ANKRD36C: variants seen among roughly 807,000 people sequenced by gnomAD.
ANKRD36C encodes ankyrin repeat domain 36C.
In ANKRD36C, 61 loss-of-function variants were observed where a neutral mutation model predicts 276.4. That is an observed-to-expected ratio of 0.22 (90% CI 0.18 to 0.27). ANKRD36C has a LOEUF of 0.27. Among genes scored for constraint, ANKRD36C ranks in the 10% least tolerant of loss-of-function variants. The probability of loss-of-function intolerance (pLI) is 1.00; values close to 1 mark genes in which losing one functional copy is unlikely to be tolerated. For synonymous variants in ANKRD36C, 483 were observed against 680.1 expected, an observed-to-expected ratio of 0.71 and a Z score of 4.51; for missense variants, 1,447 against 2,032.3, an observed-to-expected ratio of 0.71 and a Z score of 5.54.
chr2:95,887,271 A>G lies in ANKRD36C; in HGVS notation c.3061+654T>C, dbSNP rs1676222912. ...ATACCTAATAGTAACAAAGAAGAGT[A>G]ATTAGTAAATGAAGTTTATCCCAAT... On this transcript the variant is annotated intron_variant, in intron 50 of 66. Coordinates refer to ENST00000456556, the Ensembl canonical transcript of ANKRD36C. Among the ~76,000 whole-genome samples the G allele has an allele frequency of 2.0e-5, 3 of 151,650 alleles. No homozygotes were observed. In the Admixed American group the frequency reaches 2.0e-4, roughly 10 times the overall value.
intron 22 of ANKRD36C, 91 bp downstream of exon 22, chr2:95,938,738 T>C (rs1677787692): frequency 6.7e-7 from 1 of 1,487,630 alleles, no homozygotes; most frequent in South Asian, 1.2e-5. Flanking sequence ...TTCCATCTCA[T>C]TTGGATAAAA....
chr2:95,866,908 AG>A (rs1165424981), intron 60 of ANKRD36C, among the ~76,000 whole-genome samples: 3 of 152,190 alleles, frequency 2.0e-5, no homozygotes, highest in Admixed American at 1.3e-4. Flanking sequence ...TGATTGTAGG[AG>A]CAAACACCTA....
At chr2:95,874,527 T>C (rs1374929357) in intron 59 of ANKRD36C, among the ~76,000 whole-genome samples, 1 of 152,210 alleles carries the variant, frequency 6.6e-6, no homozygotes, top group African/African-American at 2.4e-5. Flanking sequence ...CAAAAATTAA[T>C]TCAAGATGGA....
Position 95,912,393 on chromosome 2 carries a change from G to C in ANKRD36C, c.2580+14C>G, listed in dbSNP as rs769983477. The C allele has an allele frequency of 2.1e-4, 343 of 1,603,948 alleles. 1 individual carries two copies. Among genetic ancestry groups the C allele is most frequent in the Non-Finnish European group, 2.7e-4 (323 of 1,177,812 alleles). Reference sequence around the variant, plus strand: ...ACGTTTACTAGCTCACAATATGAATGAGAGTTTCATTACCTTCAAGGCTGG... The same window carrying C: ...ACGTTTACTAGCTCACAATATGAATCAGAGTTTCATTACCTTCAAGGCTGG... On this transcript the variant is annotated intron_variant, in intron 41 of 66. Transcript: ENST00000456556.
chr2:95,891,886 C>T (rs1435830287), intron 44 of ANKRD36C, 26 bp from the exon 65 acceptor site: 2 of 1,556,370 alleles, frequency 1.3e-6, no homozygotes, highest in East Asian at 2.4e-5. Context: ...GATTCATAAT[C>T]ACTCATATGT....
chr2:95,921,624 C>G (rs1232060053), exon 34 of ANKRD36C: 1 of 1,608,730 alleles, frequency 6.2e-7, no homozygotes. Context: ...AGATTTTTCT[C>G]CATCCTTTAT....
At chr2:95,876,167 A>G (rs1203769498) in intron 59 of ANKRD36C, among the ~76,000 whole-genome samples, 3 of 151,922 alleles carry the variant, frequency 2.0e-5, no homozygotes. Context: ...TACCTTCTTT[A>G]TTATAATAGG....
intron 24 of ANKRD36C, among the ~76,000 whole-genome samples, chr2:95,931,450 ATATGAACACTTT>A (rs1348012623): frequency 8.0e-5 from 12 of 150,280 alleles, no homozygotes; most frequent in Non-Finnish European, 1.6e-4. Context: ...ATTTTCCAGG[ATATGAACACTTT>A]TATGTACACA....
exon 61 of ANKRD36C, chr2:95,860,044 G>A: frequency 6.5e-7 from 1 of 1,542,690 alleles, no homozygotes; most frequent in Non-Finnish European, 8.8e-7. Context: ...TAAACAAAAT[G>A]TCTTTTTAAT....
intron 17 of ANKRD36C, among the ~76,000 whole-genome samples, chr2:95,946,004 A>C (rs1488670926): frequency 4.0e-5 from 6 of 151,118 alleles, no homozygotes; most frequent in South Asian, 4.2e-4. Flanking sequence ...ACTGGTTAGC[A>C]TTTACTCGAC....
Position 95,891,629 on chromosome 2 carries a change from C to G in ANKRD36C, c.2857+36G>C, listed in dbSNP as rs574679470. The G allele has an allele frequency of 1.4e-4, 213 of 1,538,248 alleles. 2 individuals carry two copies. The highest frequency in any genetic ancestry group is 1.1e-3 in the East Asian group (45 of 41,070). On this transcript the variant is annotated intron_variant, in intron 46 of 66. Transcript: ENST00000456556. ...GGGAAGAGAATTTCTTATCTATCTGCACTGAACATGACATTAAATCTCTTT... is the reference window on the plus strand; with the variant it reads ...GGGAAGAGAATTTCTTATCTATCTGGACTGAACATGACATTAAATCTCTTT...
rs755836184 is a variant in ANKRD36C, at chr2:95,895,890, TC to T, written c.2755+3254del. ...TGATGAGCGATGAGGACAAATGTGATCTGAAAACAGAGGAGCAACTCATACA... is the reference window on the plus strand; with the variant it reads ...TGATGAGCGATGAGGACAAATGTGATTGAAAACAGAGGAGCAACTCATACA... On this transcript the variant is annotated intron_variant, in intron 44 of 66. Coordinates refer to ENST00000456556, the Ensembl canonical transcript of ANKRD36C. 5.3e-5 allele frequency among the ~76,000 whole-genome samples: 8 copies of T among 151,076 alleles called. No individual in the cohort carries two copies. In the East Asian group the frequency reaches 1.6e-3, roughly 30 times the overall value.
chr2:95,987,101 A>G, exon 2 of ANKRD36C: 3 of 1,543,768 alleles, frequency 1.9e-6, no homozygotes, highest in Non-Finnish European at 2.6e-6. Context: ...CCTTGATCAG[A>G]GGTGTCCTGT....
At chr2:95,873,446 G>A (rs1271637101) in intron 59 of ANKRD36C, among the ~76,000 whole-genome samples, 2 of 152,200 alleles carry the variant, frequency 1.3e-5, no homozygotes, top group South Asian at 2.1e-4. Flanking sequence ...ATGCAGAAAA[G>A]GCCTTTGACA....
intron 58 of ANKRD36C, among the ~76,000 whole-genome samples, chr2:95,878,427 A>T (rs1166589454): frequency 6.6e-6 from 1 of 152,100 alleles, no homozygotes; most frequent in African/African-American, 2.4e-5. Context: ...GATCTTATTT[A>T]AAAAAATAGG....
rs746440033 is a variant in ANKRD36C, at chr2:95,888,117, G to C, written c.2963C>G (p.Ser988Cys). 3 of 1,608,880 alleles carry C rather than the reference G, an allele frequency of 1.9e-6. No homozygotes were observed. The Admixed American group carries it at 5.0e-5, about 27-fold the overall frequency. The change falls in exon 49 of 67, where the codon TCT becomes TGT. Residue 988 changes from serine (S) to cysteine (C), a missense_variant. Ser to Cys is a moderately radical substitution (Grantham distance 112). Around this residue, in one of 13 missense-constraint regions of ANKRD36C, gnomAD observed 565 missense variants for 539.5 expected, o/e 1.05. Transcript: ENST00000456556. ...CTTCAAGGCTGGTTGTTTCTGAGAA[G>C]ACACTGAAAAGCAAAAGGGATACAT...
intron 12 of ANKRD36C, among the ~76,000 whole-genome samples, chr2:95,957,562 A>G (rs935880949): frequency 2.0e-5 from 3 of 152,284 alleles, no homozygotes; most frequent in Non-Finnish European, 4.4e-5. Context: ...TCAGTAACTC[A>G]TGGGAACAAG....
intron 4 of ANKRD36C, 81 bp downstream of exon 4, chr2:95,982,175 A>T: frequency 9.2e-7 from 1 of 1,083,634 alleles, no homozygotes; most frequent in Non-Finnish European, 1.3e-6. Context: ...ATTAATGTAA[A>T]ATTTGTGACT....
chr2:95,873,675 C>T (rs1443245659), intron 59 of ANKRD36C, among the ~76,000 whole-genome samples: 1 of 152,174 alleles, frequency 6.6e-6, no homozygotes, highest in Non-Finnish European at 1.5e-5. Context: ...AAGTTCTGGC[C>T]AGGGCCATTA....
Sources: gnomAD v4.1 joint callset for allele counts (sites outside exome capture counted in the v4.1 genomes callset) on GRCh38, gnomAD v4.1.1 for gene constraint, gnomAD v4.1.1 regional missense constraint, MANE v1.5 for transcripts, NCBI Gene and HGNC (gene_info 2026-07-23, HGNC 2026-07-21) for gene names.